The following ENTREP2 variants were observed in gnomAD, a reference collection of about 807,000 sequenced individuals.
ENTREP2 encodes protein ENTREP2.
chr15:29,456,849 G>A, the ENTREP2 span, among the ~76,000 whole-genome samples: 1 of 152,204 alleles, frequency 6.6e-6, no homozygotes, highest in Non-Finnish European at 1.5e-5. Context: ...CATAATTCAT[G>A]TGGACTCATC....
the ENTREP2 span, among the ~76,000 whole-genome samples, chr15:29,559,908 C>CCTAA: frequency 1.3e-5 from 2 of 152,176 alleles, no homozygotes; most frequent in African/African-American, 4.8e-5. Flanking sequence ...ACCACATTGA[C>CCTAA]CTAACCCATA....
At chr15:29,185,672 C>T in the ENTREP2 span, among the ~76,000 whole-genome samples, 1 of 152,162 alleles carries the variant, frequency 6.6e-6, no homozygotes, top group Non-Finnish European at 1.5e-5. Context: ...AGCGATTCTC[C>T]TGCCTCAGCC....
At chr15:29,559,607 C>T in the ENTREP2 span, among the ~76,000 whole-genome samples, 8 of 152,194 alleles carry the variant, frequency 5.3e-5, no homozygotes, top group South Asian at 4.2e-4. Flanking sequence ...CCTGCCTTTC[C>T]GGGCTTCCAG....
chr15:29,482,154 C>T, the ENTREP2 span, among the ~76,000 whole-genome samples: 34 of 146,978 alleles, frequency 2.3e-4, 1 homozygote, highest in Admixed American at 2.3e-3. Context: ...CCTGCAACCA[C>T]AGGCAGCTAA....
chr15:29,225,231 AGCC>A, the ENTREP2 span, among the ~76,000 whole-genome samples: 3 of 152,382 alleles, frequency 2.0e-5, no homozygotes, highest in East Asian at 5.8e-4. Flanking sequence ...CCTCAAGCAC[AGCC>A]AGAGTGGGCA....
the ENTREP2 span, among the ~76,000 whole-genome samples, chr15:29,293,237 A>C: frequency 6.6e-6 from 1 of 152,114 alleles, no homozygotes; most frequent in African/African-American, 2.4e-5. Flanking sequence ...TACCTCAAAC[A>C]AAAAGGGGAA....
the ENTREP2 span, among the ~76,000 whole-genome samples, chr15:29,670,669 G>T: frequency 6.6e-6 from 1 of 152,132 alleles, no homozygotes; most frequent in Non-Finnish European, 1.5e-5. Context: ...AACAAAAATT[G>T]TGGTAGAGAA....
At chr15:29,269,753 C>CGGCGGGGATTGCGG in the ENTREP2 span, 1 of 1,417,666 alleles carries the variant, frequency 7.1e-7, no homozygotes, top group South Asian at 1.5e-5. Context: ...CAAGCAGCCG[C>CGGCGGGGATTGCGG]GGCGGGGATT....
chr15:29,639,805 G>T, the ENTREP2 span, among the ~76,000 whole-genome samples: 42 of 122,978 alleles, frequency 3.4e-4, no homozygotes, highest in African/African-American at 9.8e-4. Flanking sequence ...TCTCACTCTT[G>T]TCACCCAGGC....
At chr15:29,451,317 C>T in the ENTREP2 span, among the ~76,000 whole-genome samples, 1 of 152,110 alleles carries the variant, frequency 6.6e-6, no homozygotes, top group Admixed American at 6.5e-5. Context: ...TGTTAGGTAC[C>T]CTGGACTTCT....
chr15:29,207,011 G>C, the ENTREP2 span, among the ~76,000 whole-genome samples: 1,512 of 152,216 alleles, frequency 9.9e-3, 20 homozygotes, highest in Non-Finnish European at 0.013. Context: ...TGCTCCGTAG[G>C]TTGGATGACA....
chr15:29,356,117 C>T, the ENTREP2 span, among the ~76,000 whole-genome samples: 4 of 148,490 alleles, frequency 2.7e-5, no homozygotes, highest in Non-Finnish European at 4.4e-5. Context: ...AAAACAAGTG[C>T]ATCTTGTTCT....
the ENTREP2 span, among the ~76,000 whole-genome samples, chr15:29,656,198 C>G: frequency 2.6e-5 from 4 of 151,694 alleles, no homozygotes; most frequent in Admixed American, 2.6e-4. Context: ...ACCAGAAAAT[C>G]TGTGCTATCA....
At chr15:29,642,441 C>CAT in the ENTREP2 span, among the ~76,000 whole-genome samples, 291 of 146,198 alleles carry the variant, frequency 2.0e-3, 2 homozygotes, top group African/African-American at 6.5e-3. Flanking sequence ...TATATATATA[C>CAT]ATATATATAT....
At chr15:29,364,544 C>T in the ENTREP2 span, among the ~76,000 whole-genome samples, 4 of 152,156 alleles carry the variant, frequency 2.6e-5, no homozygotes, top group South Asian at 2.1e-4. Context: ...TGCGGTAAAA[C>T]GCTTCAGTCT....
the ENTREP2 span, among the ~76,000 whole-genome samples, chr15:29,378,766 A>G: frequency 6.7e-6 from 1 of 148,902 alleles, no homozygotes; most frequent in African/African-American, 2.6e-5. Flanking sequence ...TATAAAATTT[A>G]TAACCTAGAT....
chr15:29,578,036 C>G, the ENTREP2 span, among the ~76,000 whole-genome samples: 1 of 152,000 alleles, frequency 6.6e-6, no homozygotes, highest in African/African-American at 2.4e-5. Context: ...TGGGAATGTG[C>G]TTAATGCCAC....
chr15:29,167,343 T>C, the ENTREP2 span, among the ~76,000 whole-genome samples: 1 of 149,358 alleles, frequency 6.7e-6, no homozygotes, highest in Non-Finnish European at 1.5e-5. Flanking sequence ...CTAAAGAGGT[T>C]TTGCATGGCA....
At chr15:29,657,483 C>CGGGG in the ENTREP2 span, among the ~76,000 whole-genome samples, 42 of 69,388 alleles carry the variant, frequency 6.1e-4, no homozygotes, top group Middle Eastern at 7.5e-3. Context: ...GCTGGGGGGG[C>CGGGG]GGGGGGGGGG....
Sources: gnomAD v4.1 joint callset for allele counts (sites outside exome capture counted in the v4.1 genomes callset) on GRCh38, gnomAD v4.1.1 for gene constraint, MANE v1.5 for transcripts, NCBI Gene and HGNC (gene_info 2026-07-23, HGNC 2026-07-21) for gene names.